The following HDAC7 variants were observed in gnomAD, a reference collection of about 807,000 sequenced individuals.
HDAC7 encodes the protein histone deacetylase 7.
A neutral mutation model predicts 115.5 loss-of-function variants in HDAC7; 26 were observed. The observed-to-expected ratio is 0.23, with a 90% CI of 0.16 to 0.31. The LOEUF is 0.31. HDAC7 is among the 10% of genes least tolerant of loss of function. The probability of loss-of-function intolerance (pLI) is 1.00; values close to 1 mark genes in which losing one functional copy is unlikely to be tolerated. For synonymous variants in HDAC7, 564 were observed against 550.9 expected (o/e 1.02, Z -0.33); for missense variants, 1,068 against 1,329.0 (o/e 0.80, Z 3.05).
At chr12:47,802,189 T>C (rs1300346120) in intron 2 of HDAC7, 35 bp downstream of exon 2, 1 of 1,603,142 alleles carries the variant, frequency 6.2e-7, no homozygotes, top group Non-Finnish European at 8.5e-7. Flanking sequence ...CATCTTCCAC[T>C]CCCTACCATG....
At chr12:47,799,695 T>C (rs980969724) in intron 2 of HDAC7, among the ~76,000 whole-genome samples, 2 of 152,354 alleles carry the variant, frequency 1.3e-5, no homozygotes, top group South Asian at 2.1e-4. Context: ...CGGCTGCCTC[T>C]TCTCAAGTGT....
chr12:47,795,231 T>C lies in HDAC7; in HGVS notation c.1237A>G (p.Met413Val), dbSNP rs755547052. The C allele has an allele frequency of 3.7e-6, 6 of 1,612,896 alleles. No individual in the cohort carries two copies. The highest frequency in any genetic ancestry group is 4.2e-6 in the Non-Finnish European group (5 of 1,179,380). Residue 413 changes from methionine to valine, a missense_variant, in exon 11 of 26, where the codon ATG becomes GTG. Coordinates refer to ENST00000080059, the MANE Select transcript of HDAC7 (RefSeq NM_015401.5). This position sits in a 1 kb window ranked among gnomAD's most constrained non-coding sequence, Gnocchi z 4.3. ...TTGAGCTGCTCCAGGCGGGGCTGCA[T>C]GGGGCCCGGCGGTGGGGGAGCGGTG... is the stretch of plus-strand genomic sequence containing the variant. The part of the protein sequence containing the change: ...SATAPPPPGP[M>V]QPRLEQLKTH...
intron 1 of HDAC7, among the ~76,000 whole-genome samples, chr12:47,808,900 T>A (rs1283480355): frequency 6.6e-6 from 1 of 152,226 alleles, no homozygotes; most frequent in Non-Finnish European, 1.5e-5. Flanking sequence ...CTCACTCCTC[T>A]GCTCCAGTAT....
chr12:47,784,336 C>T, intron 24 of HDAC7, 119 bp from the exon 25 acceptor site: 2 of 1,162,310 alleles, frequency 1.7e-6, no homozygotes, highest in Non-Finnish European at 2.4e-6. Flanking sequence ...CGGGCCTGTC[C>T]TCCACTTAGG....
At chr12:47,791,783 T>A (rs569657321) in intron 14 of HDAC7, 77 bp from the exon 15 acceptor site, 4 of 1,585,548 alleles carry the variant, frequency 2.5e-6, no homozygotes, top group Admixed American at 3.4e-5. Context: ...GTGCCCCTCA[T>A]CTCTCATGGG....
At chr12:47,811,929 ATGCCTCATGCCTCTTCC>A (rs1190370484) in intron 1 of HDAC7, among the ~76,000 whole-genome samples, 1 of 152,244 alleles carries the variant, frequency 6.6e-6, no homozygotes, top group Non-Finnish European at 1.5e-5. Context: ...CCTGAAAGAA[ATGCCTCATGCCTCTTCC>A]AGAGCCGCTG....
rs772950325 is a variant in HDAC7 at position 47,798,085 on chromosome 12, A to G, written c.461+23T>C. The G allele has an allele frequency of 6.5e-7, 1 of 1,539,052 alleles. No homozygotes were observed. Among genetic ancestry groups the G allele is most frequent in the East Asian group, 2.2e-5 (1 of 44,504 alleles). On this transcript the variant is annotated intron_variant, in intron 5 of 25. Coordinates refer to ENST00000080059, the MANE Select transcript of HDAC7 (RefSeq NM_015401.5). The surrounding 1 kb of genome is among the most constrained non-coding windows in gnomAD (Gnocchi z 4.3). ...GGTGGAGGGTGCATGTGGGGACAGG[A>G]GGGCAGGTGAGGAGGGTGTTACCTG...
intron 1 of HDAC7, among the ~76,000 whole-genome samples, chr12:47,811,524 C>G (rs138418192): frequency 1.3e-5 from 2 of 152,346 alleles, no homozygotes; most frequent in East Asian, 3.9e-4. Flanking sequence ...AATTACAACA[C>G]ATAAAGACAC....
intron 19 of HDAC7, 105 bp downstream of exon 19, chr12:47,789,156 A>C: frequency 2.3e-6 from 2 of 873,886 alleles, no homozygotes; most frequent in Non-Finnish European, 3.7e-6. Flanking sequence ...TGAGGCTCAG[A>C]GAGGCTACTG....
At chr12:47,812,348 C>T (rs536649042) in intron 1 of HDAC7, among the ~76,000 whole-genome samples, 14 of 152,350 alleles carry the variant, frequency 9.2e-5, no homozygotes, top group African/African-American at 3.4e-4. Context: ...GGCCCAGTTT[C>T]TGTTCTTCGT....
In HDAC7 at chr12:47,797,291, G is replaced by GGCCCCCCCCCCCC; in HGVS notation, c.577+92_577+93insGGGGGGGGGGGGC. On this transcript the variant is annotated intron_variant, in intron 6 of 25. Transcript: ENST00000080059. This position sits in a 1 kb window ranked among gnomAD's most constrained non-coding sequence, Gnocchi z 5.5. ...AGCCTACCGATGATCTCCTGGCCCA[G>GGCCCCCCCCCCCC]CCCAGCCCGCCCACCCCTGCACACT... 2.2e-6 allele frequency: 3 copies of GGCCCCCCCCCCCC among 1,336,134 alleles called. No homozygotes were observed. Among genetic ancestry groups the GGCCCCCCCCCCCC allele is most frequent in the Non-Finnish European group, 2.1e-6 (2 of 948,910 alleles). The allele number at this position is 1,336,134 out of a possible 1,614,324, so 82.8% of individuals were successfully genotyped here.
At position 47,798,989 on chromosome 12, in the gene HDAC7, G is replaced by A; in HGVS notation, c.71-17C>T. On this transcript the variant is annotated splice_polypyrimidine_tract_variant and intron_variant, in intron 2 of 25. Transcript: ENST00000080059. This position sits in a 1 kb window ranked among gnomAD's most constrained non-coding sequence, Gnocchi z 4.3. Reference sequence around the variant, plus strand: ...TGGGGCAGCCTAGGGACAGAGAGAGGGAGCAGGGTAAACTGGAAAGTTTGT... The same window carrying A: ...TGGGGCAGCCTAGGGACAGAGAGAGAGAGCAGGGTAAACTGGAAAGTTTGT... The A allele has an allele frequency of 6.8e-6, 10 of 1,467,808 alleles. No individual in the cohort carries two copies. The highest frequency in any genetic ancestry group is 9.0e-6 in the Non-Finnish European group (10 of 1,107,810). The allele number at this position is 1,467,808 out of a possible 1,614,324, so 90.9% of individuals were successfully genotyped here.
At chr12:47,796,966 A>C in intron 7 of HDAC7, 51 bp downstream of exon 7, 2 of 1,503,484 alleles carry the variant, frequency 1.3e-6, no homozygotes, top group Non-Finnish European at 1.8e-6. Context: ...CAAAGGGACA[A>C]GACCAGCCAG....
intron 14 of HDAC7, 65 bp downstream of exon 14, chr12:47,791,806 C>CCCCCCCCCCCCCCCCAT: frequency 6.5e-7 from 1 of 1,527,346 alleles, no homozygotes; most frequent in South Asian, 1.2e-5. Flanking sequence ...CCAGGGCCCC[C>CCCCCCCCCCCCCCCCAT]CACCCCTCCC....
At position 47,795,473 on chromosome 12, in the gene HDAC7, G is replaced by A; in HGVS notation, c.1088-93C>T. 7.2e-7 allele frequency: 1 copy of A among 1,382,602 alleles called. No homozygotes were observed. The highest frequency in any genetic ancestry group is 1.2e-5 in the South Asian group (1 of 80,274). 85.6% of individuals were successfully genotyped at this position (1,382,602 alleles called of 1,614,324 possible). On this transcript the variant is annotated intron_variant, in intron 10 of 25. Coordinates refer to ENST00000080059, the MANE Select transcript of HDAC7 (RefSeq NM_015401.5). The surrounding 1 kb of genome is among the most constrained non-coding windows in gnomAD (Gnocchi z 4.3). ...GGGTGGGGGGCCAGGGTGCAGCAGG[G>A]CAATGCGCAGGACAGGGGGACAGAG... is the stretch of plus-strand genomic sequence containing the variant.
intron 1 of HDAC7, among the ~76,000 whole-genome samples, chr12:47,806,838 C>A (rs1265579276): frequency 6.6e-6 from 1 of 152,108 alleles, no homozygotes; most frequent in Non-Finnish European, 1.5e-5. Context: ...TCTGCAGCCT[C>A]CTTCCTGGCA....
chr12:47,794,355 T>C lies in HDAC7; in HGVS notation c.1458+405A>G, dbSNP rs141833362. ...TATCCCAACAGCTCCGGCAAGCTAA[T>C]GCACTGGGTCTTGATTCCCACAGTG... On this transcript the variant is annotated intron_variant, in intron 12 of 25. Transcript: ENST00000080059. Among the ~76,000 whole-genome samples the C allele has an allele frequency of 2.0e-3, 300 of 152,378 alleles. 4 individuals carry two copies. The highest frequency in any genetic ancestry group is 7.0e-3 in the African/African-American group (291 of 41,590).
Position 47,798,314 on chromosome 12 carries a change from G to A in HDAC7, c.350-95C>T. ...TGCCCTGTCCCCATCCTCAGTAGGA[G>A]GCGTCCCAGGGACTCCCTAGGCAAG... is the stretch of plus-strand genomic sequence containing the variant. On this transcript the variant is annotated intron_variant, in intron 4 of 25. Coordinates refer to ENST00000080059, the MANE Select transcript of HDAC7 (RefSeq NM_015401.5). The surrounding 1 kb of genome is among the most constrained non-coding windows in gnomAD (Gnocchi z 4.3). The A allele has an allele frequency of 9.5e-7, 1 of 1,047,140 alleles. No homozygotes were observed. Among genetic ancestry groups the A allele is most frequent in the Non-Finnish European group, 1.5e-6 (1 of 677,728 alleles). 64.9% of individuals were successfully genotyped at this position (1,047,140 alleles called of 1,614,324 possible). A position where few individuals can be genotyped will look rare whatever the true frequency, so the allele number is the denominator to read the frequency against.
chr12:47,785,303 G>T, intron 24 of HDAC7, 84 bp downstream of exon 24: 1 of 1,146,268 alleles, frequency 8.7e-7, no homozygotes, highest in Non-Finnish European at 1.2e-6. Context: ...GGCACCGGAA[G>T]CCCTAGGATC....
Sources: allele counts gnomAD v4.1 joint callset (sites outside exome capture counted in the v4.1 genomes callset), GRCh38; gene constraint gnomAD v4.1.1; non-coding constraint Gnocchi (gnomAD v3.1); transcripts MANE v1.5; gene names NCBI Gene and HGNC (gene_info 2026-07-23, HGNC 2026-07-21).